CSGALNACT1: variants seen among roughly 807,000 people sequenced by gnomAD.
The protein encoded by CSGALNACT1 is beta4GalNAcT-1.
A neutral mutation model predicts 51.0 loss-of-function variants in CSGALNACT1; 52 were observed. The observed-to-expected ratio is 1.02, with a 90% CI of 0.82 to 1.29. The LOEUF (loss-of-function observed/expected upper bound fraction) is 1.29, where lower values mean the gene tolerates loss of function less well. Ranked by LOEUF, CSGALNACT1 falls within the 50% of genes most tolerant of loss-of-function variation. The pLI, the probability that CSGALNACT1 is intolerant of heterozygous loss-of-function variation, is 0.00. For synonymous variants in CSGALNACT1, 341 were observed against 254.4 expected (o/e 1.34, Z -3.24); for missense variants, 935 against 679.2 (o/e 1.38, Z -4.19).
At chr8:19,442,973 A>C (rs138058057) in intron 5 of CSGALNACT1, among the ~76,000 whole-genome samples, 1 of 152,158 alleles carries the variant, frequency 6.6e-6, no homozygotes, top group Non-Finnish European at 1.5e-5. Context: ...AGCAGATATC[A>C]TCACCTTCAC....
intron 1 of CSGALNACT1, among the ~76,000 whole-genome samples, chr8:19,657,187 G>C (rs1001606960): frequency 2.0e-5 from 3 of 150,898 alleles, no homozygotes; most frequent in African/African-American, 7.3e-5. Flanking sequence ...CTTGGAGATA[G>C]AGCTGTAGAA....
intron 3 of CSGALNACT1, among the ~76,000 whole-genome samples, chr8:19,507,784 C>G (rs139587032): frequency 3.3e-5 from 5 of 152,162 alleles, no homozygotes; most frequent in Admixed American, 3.3e-4. Flanking sequence ...CGCATCACCA[C>G]CCCTGGCTAA....
chr8:19,437,008 G>C (rs1372808049), intron 6 of CSGALNACT1, among the ~76,000 whole-genome samples: 1 of 152,102 alleles, frequency 6.6e-6, no homozygotes, highest in Non-Finnish European at 1.5e-5. Flanking sequence ...TCTCCGTATG[G>C]TGTTGTGCTA....
intron 3 of CSGALNACT1, among the ~76,000 whole-genome samples, chr8:19,587,036 C>G (rs183069072): frequency 1.3e-5 from 2 of 152,286 alleles, no homozygotes; most frequent in East Asian, 3.9e-4. Context: ...CAGTATGGTG[C>G]AAACATTCAC....
chr8:19,704,428 G>C (rs971986730), intron 1 of CSGALNACT1, among the ~76,000 whole-genome samples: 9 of 152,212 alleles, frequency 5.9e-5, no homozygotes, highest in Non-Finnish European at 7.3e-5. Context: ...AAAATATCAA[G>C]TGTTGTCGAG....
At chr8:19,574,143 C>A (rs2043631113) in intron 3 of CSGALNACT1, among the ~76,000 whole-genome samples, 1 of 152,286 alleles carries the variant, frequency 6.6e-6, no homozygotes, top group African/African-American at 2.4e-5. Context: ...AAACTCCTAG[C>A]CTTAAGACAT....
rs150801191 is a variant in CSGALNACT1 at position 19,600,822 on chromosome 8, G to C, written c.-416+949C>G. On this transcript the variant is annotated intron_variant, in intron 2 of 9. Transcript: ENST00000454498. ...ATTTTATCTTAATAGTGTGACAAAA[G>C]TTTTTGGAAAAAAAAAAAAAGCAAA... Among the ~76,000 whole-genome samples the C allele has an allele frequency of 4.8e-3, 694 of 144,662 alleles. 5 individuals are homozygous for C. The highest frequency in any genetic ancestry group is 0.017 in the African/African-American group (642 of 38,520). 94.9% of individuals were successfully genotyped at this position (144,662 alleles called of 152,430 possible).
intron 6 of CSGALNACT1, among the ~76,000 whole-genome samples, chr8:19,427,510 C>T (rs189089965): frequency 1.8e-4 from 28 of 152,236 alleles, no homozygotes; most frequent in African/African-American, 5.5e-4. Context: ...GGGTGGCAGC[C>T]GGGTGTGGTG....
chr8:19,492,649 C>A (rs1411438135), intron 4 of CSGALNACT1, among the ~76,000 whole-genome samples: 1 of 152,176 alleles, frequency 6.6e-6, no homozygotes, highest in Non-Finnish European at 1.5e-5. Flanking sequence ...CATTCAACAC[C>A]AGCTGGAAGC....
At chr8:19,688,098 C>A (rs1461022111) in intron 1 of CSGALNACT1, among the ~76,000 whole-genome samples, 1 of 152,196 alleles carries the variant, frequency 6.6e-6, no homozygotes, top group Admixed American at 6.5e-5. Flanking sequence ...CCATTTTACA[C>A]ATGGCCAGTT....
chr8:19,577,047 G>C (rs765176317), intron 3 of CSGALNACT1, among the ~76,000 whole-genome samples: 1 of 151,414 alleles, frequency 6.6e-6, no homozygotes, highest in Non-Finnish European at 1.5e-5. Context: ...AACCCCCTTA[G>C]ACTCTGCTCC....
intron 1 of CSGALNACT1, among the ~76,000 whole-genome samples, chr8:19,681,797 C>G (rs2060640516): frequency 1.3e-5 from 2 of 152,172 alleles, no homozygotes; most frequent in South Asian, 4.1e-4. Context: ...GCACCATGCT[C>G]AGAAGGCACT....
At chr8:19,477,262 A>C (rs1431158866) in intron 4 of CSGALNACT1, among the ~76,000 whole-genome samples, 1 of 152,202 alleles carries the variant, frequency 6.6e-6, no homozygotes, top group Non-Finnish European at 1.5e-5. Context: ...CAGGCTCCCC[A>C]TAGAGCTGGG....
At chr8:19,736,691 T>C (rs1039247664) in intron 1 of CSGALNACT1, among the ~76,000 whole-genome samples, 2 of 151,544 alleles carry the variant, frequency 1.3e-5, no homozygotes, top group Non-Finnish European at 2.9e-5. Context: ...AAACAGAAAA[T>C]AGAGCTGAAA....
At chr8:19,708,328 G>A (rs143247315) in intron 1 of CSGALNACT1, among the ~76,000 whole-genome samples, 70 of 152,288 alleles carry the variant, frequency 4.6e-4, no homozygotes, top group African/African-American at 1.3e-3. Context: ...ATGCCCATCA[G>A]CGTGAGGTAT....
At chr8:19,404,694 G>A (rs1020465146) in exon 10 of CSGALNACT1, 6 of 454,160 alleles carry the variant, frequency 1.3e-5, no homozygotes, top group Non-Finnish European at 2.6e-5. Flanking sequence ...GAGATTGTTT[G>A]GTTCACACGG....
intron 1 of CSGALNACT1, among the ~76,000 whole-genome samples, chr8:19,654,846 T>G (rs1297032533): frequency 1.3e-5 from 2 of 152,088 alleles, no homozygotes; most frequent in African/African-American, 4.8e-5. Context: ...GTGCCCAGCC[T>G]AAGTCAGGTA....
At chr8:19,478,331 C>G (rs1283681976) in intron 4 of CSGALNACT1, among the ~76,000 whole-genome samples, 1 of 149,366 alleles carries the variant, frequency 6.7e-6, no homozygotes, top group Non-Finnish European at 1.5e-5. Context: ...GGAGAATGGC[C>G]TCAACCCAGG....
chr8:19,503,708 G>A (rs530043500), intron 4 of CSGALNACT1, among the ~76,000 whole-genome samples: 4 of 151,754 alleles, frequency 2.6e-5, no homozygotes, highest in East Asian at 3.9e-4. Flanking sequence ...AACTCTTACT[G>A]TGTGCTTACC....
Sources: allele counts gnomAD v4.1 joint callset (sites outside exome capture counted in the v4.1 genomes callset), GRCh38; gene constraint gnomAD v4.1.1; transcripts MANE v1.5; gene names NCBI Gene and HGNC (gene_info 2026-07-23, HGNC 2026-07-21).